The following STARD9 variants were observed in gnomAD, a reference collection of about 807,000 sequenced individuals.
STARD9 encodes StAR related lipid transfer domain containing 9.
STARD9 carries 346 observed loss-of-function variants against 399.8 expected under a neutral mutation model. The observed-to-expected ratio is 0.87, with a 90% CI of 0.79 to 0.95. The LOEUF is 0.95. Ranked by LOEUF, STARD9 falls within the 40% of genes least tolerant of loss-of-function variation. STARD9 has a pLI of 0.00. For synonymous variants in STARD9, 2,203 were observed against 2,143.5 expected (o/e 1.03, Z -0.77); for missense variants, 5,832 against 5,667.5 (o/e 1.03, Z -0.93).
intron 16 of STARD9, among the ~76,000 whole-genome samples, chr15:42,673,455 T>C (rs2060243460): frequency 6.6e-6 from 1 of 152,150 alleles, no homozygotes; most frequent in South Asian, 2.1e-4. Context: ...GGAGGTGTTA[T>C]GAAGTCGAAA....
chr15:42,718,464 G>A lies in STARD9; in HGVS notation c.13792G>A (p.Ala4598Thr), dbSNP rs1210715555. The A allele has an allele frequency of 7.8e-6, 12 of 1,537,076 alleles. No individual in the cohort carries two copies. Among genetic ancestry groups the A allele is most frequent in the African/African-American group, 2.7e-5 (2 of 73,028 alleles). The part of the protein sequence containing the change: ...VYLVCNTTLC[A>T]LKQPRDFCCV... ...CTTGGTGTGCAACACCACCCTGTGCGCACTGAAGCAGCCACGGGATTTCTG... is the reference window on the plus strand; with the variant it reads ...CTTGGTGTGCAACACCACCCTGTGCACACTGAAGCAGCCACGGGATTTCTG... The change falls in exon 31 of 33, where the codon GCA (alanine) becomes ACA (threonine). Residue 4598 changes from alanine to threonine, a missense_variant. Physicochemically the swap from Ala to Thr is moderately conservative, Grantham distance 58 (BLOSUM62 0). Coordinates refer to ENST00000290607, the MANE Select transcript of STARD9 (RefSeq NM_020759.3).
intron 3 of STARD9, among the ~76,000 whole-genome samples, chr15:42,607,531 C>G (rs961086693): frequency 4.0e-5 from 6 of 151,600 alleles, no homozygotes; most frequent in African/African-American, 1.5e-4. Flanking sequence ...TGAATAGATT[C>G]TTTCTCATCT....
chr15:42,691,341 G>A lies in STARD9; in HGVS notation c.9763G>A (p.Ala3255Thr). 6.5e-7 allele frequency: 1 copy of A among 1,537,198 alleles called. No individual in the cohort carries two copies. The highest frequency in any genetic ancestry group is 8.7e-7 in the Non-Finnish European group (1 of 1,146,882). ...LDAGREEVAV[A>T]KPPVSKILSQ... is the part of the protein sequence containing the mutation. ...TGCTGGGAGAGAGGAGGTGGCTGTG[G>A]CCAAGCCTCCTGTGTCCAAGATTTT... The change falls in exon 23 of 33, where the codon GCC (alanine) becomes ACC (threonine). Residue 3255 changes from alanine (A) to threonine (T), a missense_variant. Physicochemically the swap from Ala to Thr is moderately conservative, Grantham distance 58. Coordinates refer to ENST00000290607, the MANE Select transcript of STARD9 (RefSeq NM_020759.3).
chr15:42,601,401 G>A (rs1167316852), intron 3 of STARD9, among the ~76,000 whole-genome samples: 5 of 151,806 alleles, frequency 3.3e-5, no homozygotes, highest in East Asian at 1.9e-4. Context: ...ACGGGGTGGC[G>A]GCCGGGCAGA....
In STARD9 at chr15:42,684,224, C is replaced by T. The variant is rs1431058013; in HGVS notation, c.2646C>T (p.Ser882=). 2.0e-6 allele frequency: 3 copies of T among 1,537,156 alleles called. No individual in the cohort carries two copies. The highest frequency in any genetic ancestry group is 1.7e-6 in the Non-Finnish European group (2 of 1,146,912). ...AAGAGCATTTGCCACAGGCTGCTTC[C>T]TACCCTGCAAGGACAGGGTGCCTCC... is the stretch of plus-strand genomic sequence containing the variant. ...SSEEHLPQAA[S]YPARTGCLRK... Residue 882 remains serine, a synonymous_variant, in exon 23 of 33, where the codon TCC becomes TCT. Coordinates refer to ENST00000290607, the MANE Select transcript of STARD9 (RefSeq NM_020759.3).
chr15:42,603,800 T>G (rs2058676888), intron 3 of STARD9, among the ~76,000 whole-genome samples: 1 of 152,104 alleles, frequency 6.6e-6, no homozygotes. Context: ...TTTTGTAAGG[T>G]CTGGGTGGCA....
intron 3 of STARD9, among the ~76,000 whole-genome samples, chr15:42,596,546 G>A (rs557162342): frequency 5.0e-4 from 76 of 152,276 alleles, no homozygotes; most frequent in Non-Finnish European, 9.4e-4. Context: ...GCATGCACAG[G>A]CAGACTGCTA....
intron 28 of STARD9, 72 bp from the exon 29 acceptor site, chr15:42,717,659 G>A (rs912687767): frequency 1.0e-5 from 14 of 1,339,346 alleles, no homozygotes; most frequent in Non-Finnish European, 1.2e-5. Context: ...GCAGATGCAG[G>A]CCAGACTGAC....
chr15:42,665,071 G>A (rs537116549), intron 13 of STARD9, among the ~76,000 whole-genome samples, 182 bp from the exon 14 acceptor site: 5 of 152,234 alleles, frequency 3.3e-5, no homozygotes, highest in East Asian at 1.9e-4. Flanking sequence ...CAAACTGTGC[G>A]TTTCTAACAA....
chr15:42,654,656 A>G (rs1393408172), intron 9 of STARD9, among the ~76,000 whole-genome samples: 1 of 152,210 alleles, frequency 6.6e-6, no homozygotes, highest in African/African-American at 2.4e-5. Context: ...CTGAGAATCA[A>G]ATCAAGAACT....
At chr15:42,676,232 C>T (rs1269621268) in intron 20 of STARD9, among the ~76,000 whole-genome samples, 2 of 152,142 alleles carry the variant, frequency 1.3e-5, no homozygotes, top group Non-Finnish European at 2.9e-5. Context: ...GAAAGAGGTA[C>T]ATTATTTGAT....
intron 7 of STARD9, among the ~76,000 whole-genome samples, chr15:42,650,143 A>C (rs1279047789): frequency 6.6e-6 from 1 of 152,112 alleles, no homozygotes; most frequent in East Asian, 1.9e-4. Flanking sequence ...GATTACAGGC[A>C]TGAACCACAG....
At chr15:42,596,000 CAG>C (rs1595600509) in intron 3 of STARD9, among the ~76,000 whole-genome samples, 2 of 152,322 alleles carry the variant, frequency 1.3e-5, no homozygotes, top group East Asian at 3.9e-4. Context: ...ATCTGAAAGA[CAG>C]AGATTCTTGA....
In STARD9 at chr15:42,684,250, G is replaced by C. The variant is rs975465361; in HGVS notation, c.2672G>C (p.Arg891Pro). ...TACCCTGCAAGGACAGGGTGCCTCC[G>C]CAAGAACGGCCTGCATTCCTCAGGT... ...ASYPARTGCLRKNGLHSSGHG... is the reference protein window; with the variant it reads ...ASYPARTGCLPKNGLHSSGHG... The change falls in exon 23 of 33, where the codon CGC (arginine) becomes CCC (proline). Residue 891 changes from arginine to proline, a missense_variant. Arg to Pro is a moderately radical substitution (Grantham distance 103). Around this residue, in one of 2 missense-constraint regions of STARD9, gnomAD observed 5,828 missense variants for 5,651.1 expected, o/e 1.03. Coordinates refer to ENST00000290607, the MANE Select transcript of STARD9 (RefSeq NM_020759.3). The C allele has an allele frequency of 6.5e-7, 1 of 1,537,136 alleles. No individual in the cohort carries two copies. The highest frequency in any genetic ancestry group is 8.7e-7 in the Non-Finnish European group (1 of 1,146,914).
At chr15:42,651,211 G>A (rs892546115) in intron 8 of STARD9, 126 bp downstream of exon 8, 20 of 584,516 alleles carry the variant, frequency 3.4e-5, no homozygotes, top group Non-Finnish European at 5.1e-5. Flanking sequence ...TTCACAACCA[G>A]GAGGCTCTTC....
At position 42,687,481 on chromosome 15, in the gene STARD9, C is replaced by T. The variant is rs1462202092; in HGVS notation, c.5903C>T (p.Pro1968Leu). Residue 1968 changes from proline to leucine, a missense_variant, in exon 23 of 33, where the codon CCA becomes CTA. Around this residue, in one of 2 missense-constraint regions of STARD9, gnomAD observed 5,828 missense variants for 5,651.1 expected, o/e 1.03. Transcript: ENST00000290607. Reference protein sequence around the residue: ...SPVMVAQGGGPTPKWEGKNET... With the variant: ...SPVMVAQGGGLTPKWEGKNET... Reference sequence around the variant, plus strand: ...GTGATGGTGGCCCAGGGTGGTGGCCCAACCCCTAAGTGGGAAGGGAAAAAT... The same window carrying T: ...GTGATGGTGGCCCAGGGTGGTGGCCTAACCCCTAAGTGGGAAGGGAAAAAT... The T allele has an allele frequency of 6.5e-7, 1 of 1,537,146 alleles. No homozygotes were observed. Among genetic ancestry groups the T allele is most frequent in the Non-Finnish European group, 8.7e-7 (1 of 1,146,896 alleles).
rs868164881 is a variant in STARD9, at chr15:42,688,792, C to T, written c.7214C>T (p.Thr2405Ile). ...NVRGRSSEAH[T>I]AWCGSVRSMA... Reference sequence around the variant, plus strand: ...AGAGGGCGTTCCTCTGAGGCACACACTGCCTGGTGTGGGTCTGTGCGATCC... The same window carrying T: ...AGAGGGCGTTCCTCTGAGGCACACATTGCCTGGTGTGGGTCTGTGCGATCC... The change falls in exon 23 of 33, where the codon ACT (threonine) becomes ATT (isoleucine). Residue 2405 changes from threonine (T) to isoleucine (I), a missense_variant. Thr to Ile is a moderately conservative substitution (Grantham distance 89). Transcript: ENST00000290607. The T allele has an allele frequency of 2.6e-6, 4 of 1,537,416 alleles. No homozygotes were observed. The African/African-American group carries it at 5.5e-5, about 21-fold the overall frequency.
chr15:42,653,092 G>A (rs1482477206), intron 9 of STARD9, among the ~76,000 whole-genome samples: 1 of 152,154 alleles, frequency 6.6e-6, no homozygotes, highest in Non-Finnish European at 1.5e-5. Flanking sequence ...ATGGGTAGAA[G>A]CATTTTATAA....
chr15:42,664,126 T>C (rs1276282794), intron 13 of STARD9, among the ~76,000 whole-genome samples: 3 of 152,194 alleles, frequency 2.0e-5, no homozygotes, highest in Non-Finnish European at 4.4e-5. Flanking sequence ...ATGAATGACT[T>C]ATTTCAGATA....
Sources: gnomAD v4.1 joint callset for allele counts (sites outside exome capture counted in the v4.1 genomes callset) on GRCh38, gnomAD v4.1.1 for gene constraint, gnomAD v4.1.1 regional missense constraint, MANE v1.5 for transcripts, NCBI Gene and HGNC (gene_info 2026-07-23, HGNC 2026-07-21) for gene names.